CALCRL: variants seen among roughly 807,000 people sequenced by gnomAD.
The protein encoded by CALCRL is calcitonin gene-related peptide type 1 receptor.
Under a neutral mutation model 60.4 loss-of-function variants are expected in CALCRL, and 27 were observed. That is an observed-to-expected ratio of 0.45 (90% confidence interval 0.33 to 0.62). The LOEUF (loss-of-function observed/expected upper bound fraction) is 0.62. CALCRL is among the 20% of genes least tolerant of loss of function. The pLI is 0.03. For missense variants in CALCRL, 424 were observed against 540.7 expected, an observed-to-expected ratio of 0.78 and a Z score of 2.14; for synonymous variants, 190 against 182.6, an observed-to-expected ratio of 1.04 and a Z score of -0.33.
intron 1 of CALCRL, among the ~76,000 whole-genome samples, chr2:187,396,608 T>G (rs573373479): frequency 2.0e-5 from 3 of 151,686 alleles, no homozygotes; most frequent in African/African-American, 7.3e-5. Context: ...CAAAGTAATT[T>G]AAAAAAAGAA....
intron 8 of CALCRL, 77 bp from the exon 9 acceptor site, chr2:187,363,579 C>A (rs1040914841): frequency 2.0e-5 from 27 of 1,353,556 alleles, no homozygotes; most frequent in African/African-American, 1.8e-4. Flanking sequence ...AAGATACATT[C>A]CCAATTCATA....
intron 1 of CALCRL, among the ~76,000 whole-genome samples, chr2:187,390,931 A>G (rs369582410): frequency 6.6e-6 from 1 of 152,174 alleles, no homozygotes; most frequent in African/African-American, 2.4e-5. Context: ...CACTTGAGTC[A>G]TCTACTTTGC....
At chr2:187,418,859 CTT>C (rs369436031) in intron 1 of CALCRL, among the ~76,000 whole-genome samples, 89 of 119,986 alleles carry the variant, frequency 7.4e-4, no homozygotes, top group Non-Finnish European at 1.0e-3. Flanking sequence ...TTCTTTTTTT[CTT>C]TTTTTTTTTT....
At chr2:187,427,766 A>G (rs941758867) in intron 1 of CALCRL, among the ~76,000 whole-genome samples, 3 of 152,186 alleles carry the variant, frequency 2.0e-5, no homozygotes, top group African/African-American at 7.2e-5. Flanking sequence ...ACTTTTACTC[A>G]TGCAACAGAA....
chr2:187,399,788 T>A (rs528506099), intron 1 of CALCRL, among the ~76,000 whole-genome samples: 15 of 151,334 alleles, frequency 9.9e-5, no homozygotes, highest in Admixed American at 2.6e-4. Context: ...AAGAATGAAA[T>A]CTTGTGGCAT....
intron 1 of CALCRL, among the ~76,000 whole-genome samples, chr2:187,424,007 C>T (rs1019886902): frequency 6.6e-6 from 1 of 151,934 alleles, no homozygotes; most frequent in Non-Finnish European, 1.5e-5. Context: ...CAATGGGAAT[C>T]GCTGGTTAGG....
At chr2:187,390,930 C>T (rs182105120) in intron 1 of CALCRL, among the ~76,000 whole-genome samples, 2 of 152,242 alleles carry the variant, frequency 1.3e-5, no homozygotes, top group Admixed American at 6.6e-5. Context: ...TCACTTGAGT[C>T]ATCTACTTTG....
chr2:187,439,368 T>G (rs143111610), intron 1 of CALCRL, among the ~76,000 whole-genome samples: 2 of 151,922 alleles, frequency 1.3e-5, no homozygotes, highest in Non-Finnish European at 2.9e-5. Context: ...GTAGGAGAAT[T>G]GCTCACACCC....
At chr2:187,359,165 T>C in intron 11 of CALCRL, 36 bp from the exon 12 acceptor site, 1 of 1,601,040 alleles carries the variant, frequency 6.2e-7, no homozygotes, top group Non-Finnish European at 8.5e-7. Flanking sequence ...TTGAAAATTT[T>C]TATTTTACAT....
intron 5 of CALCRL, among the ~76,000 whole-genome samples, chr2:187,381,194 A>G (rs1687971630): frequency 6.6e-6 from 1 of 152,058 alleles, no homozygotes; most frequent in Non-Finnish European, 1.5e-5. Context: ...AGGTGTTAGT[A>G]TTTTCTGAAG....
Position 187,343,169 on chromosome 2 carries a change from A to G in CALCRL, c.*3015T>C, listed in dbSNP as rs1004983707. 20 of 151,538 alleles carry G rather than the reference A, an allele frequency of 1.3e-4. No homozygotes were observed. Among genetic ancestry groups the G allele is most frequent in the African/African-American group, 4.6e-4 (19 of 41,512 alleles). The allele number at this position is 151,538 out of a possible 1,614,324, so 9.4% of individuals were successfully genotyped here. ...CATTTACTGGTTTACTGAAGACTTT[A>G]AAGAGGGCAAAAGATATATTTTGTT... On this transcript the variant is annotated 3_prime_UTR_variant, in exon 15 of 15. Transcript: ENST00000392370.
chr2:187,363,539 A>T (rs776003008), intron 8 of CALCRL, 37 bp from the exon 9 acceptor site: 3 of 1,537,014 alleles, frequency 2.0e-6, no homozygotes, highest in Non-Finnish European at 2.6e-6. Flanking sequence ...TGACATCATG[A>T]AATGTTTTTT....
intron 1 of CALCRL, among the ~76,000 whole-genome samples, chr2:187,404,460 T>C (rs1689028572): frequency 6.6e-6 from 1 of 151,658 alleles, no homozygotes; most frequent in Admixed American, 6.6e-5. Flanking sequence ...AAAAAATTAA[T>C]GATATGAAAT....
At chr2:187,360,027 T>C (rs1482044707) in intron 10 of CALCRL, among the ~76,000 whole-genome samples, 1 of 152,090 alleles carries the variant, frequency 6.6e-6, no homozygotes, top group Non-Finnish European at 1.5e-5. Context: ...TTTCTGCACT[T>C]CATATTTTGT....
Position 187,341,976 on chromosome 2 carries a change from T to C in CALCRL, c.*4208A>G, listed in dbSNP as rs1686111944. 6.6e-6 allele frequency among the ~76,000 whole-genome samples: 1 copy of C among 151,814 alleles called. No individual in the cohort carries two copies. The highest frequency in any genetic ancestry group is 6.6e-5 in the Admixed American group (1 of 15,226). ...TTGCAAACAAATGTTTATAGGTATA[T>C]TATTTATAATAACCAAAAGGTAAAA... On this transcript the variant is annotated 3_prime_UTR_variant, in exon 15 of 15. Transcript: ENST00000392370.
At chr2:187,414,893 A>T (rs796698658) in intron 1 of CALCRL, among the ~76,000 whole-genome samples, 330 of 124,182 alleles carry the variant, frequency 2.7e-3, no homozygotes, top group East Asian at 5.1e-3. Flanking sequence ...TTTTTTTAAA[A>T]AAAAAAAGGT....
chr2:187,369,936 G>A (rs1339785836), intron 8 of CALCRL, among the ~76,000 whole-genome samples: 1 of 152,178 alleles, frequency 6.6e-6, no homozygotes, highest in East Asian at 1.9e-4. Flanking sequence ...CCATGTGACA[G>A]AGTACAAGGT....
chr2:187,443,454 A>G (rs1691021911), intron 1 of CALCRL, among the ~76,000 whole-genome samples: 1 of 151,786 alleles, frequency 6.6e-6, no homozygotes, highest in Non-Finnish European at 1.5e-5. Context: ...AGGGGAACTA[A>G]TAAGTGGTAA....
intron 1 of CALCRL, among the ~76,000 whole-genome samples, chr2:187,437,766 G>C (rs973320249): frequency 6.6e-6 from 1 of 152,128 alleles, no homozygotes; most frequent in African/African-American, 2.4e-5. Context: ...AACAGGAAAG[G>C]ATAGTGGTAG....
Sources: allele counts gnomAD v4.1 joint callset (sites outside exome capture counted in the v4.1 genomes callset), GRCh38; gene constraint gnomAD v4.1.1; transcripts MANE v1.5; gene names NCBI Gene and HGNC (gene_info 2026-07-23, HGNC 2026-07-21).